CHD7: variants seen among roughly 807,000 people sequenced by gnomAD.
CHD7 encodes the protein chromodomain helicase DNA binding protein 7, also known as ATP-dependent chromatin remodeler CHD7.
In CHD7, 24 loss-of-function variants were observed where a neutral mutation model predicts 307.3. The ratio of observed to expected loss-of-function variants is 0.08; its 90% CI spans 0.06 to 0.11. The LOEUF is 0.11. CHD7 is among the 10% of genes least tolerant of loss of function. The pLI is 1.00. For synonymous variants in CHD7, 1,363 were observed against 1,349.9 expected (o/e 1.01, Z -0.21); for missense variants, 3,106 against 3,727.1 (o/e 0.83, Z 4.34).
intron 1 of CHD7, among the ~76,000 whole-genome samples, chr8:60,687,125 T>C (rs1805943656): frequency 6.6e-6 from 1 of 152,208 alleles, no homozygotes; most frequent in African/African-American, 2.4e-5. Context: ...TAAAACATAA[T>C]TAGCAAATGT....
At chr8:60,864,084 T>C (rs1806132145) in intron 37 of CHD7, 2 of 151,698 alleles carry the variant, frequency 1.3e-5, no homozygotes, top group African/African-American at 4.8e-5. Flanking sequence ...AATTGATGAA[T>C]CAAATATATA....
intron 1 of CHD7, among the ~76,000 whole-genome samples, chr8:60,734,396 C>T (rs41510045): frequency 0.032 from 4,845 of 152,246 alleles, 166 homozygotes; most frequent in African/African-American, 0.079. Context: ...AGGCTCCAGT[C>T]GCCAGAAAGA....
intron 7 of CHD7, chr8:60,808,644 A>T (rs367550185): frequency 5.2e-6 from 1 of 192,830 alleles, no homozygotes; most frequent in African/African-American, 2.4e-5. Context: ...GGCCCTAGAG[A>T]CAAGAACTCT....
chr8:60,688,107 G>A (rs1298262466), intron 1 of CHD7, among the ~76,000 whole-genome samples: 1 of 152,188 alleles, frequency 6.6e-6, no homozygotes, highest in Non-Finnish European at 1.5e-5. Context: ...AAAACGACCA[G>A]GTCCTTGCCT....
chr8:60,821,993 C>A (rs767479650), intron 10 of CHD7, 31 bp from the exon 11 acceptor site: 10 of 1,613,270 alleles, frequency 6.2e-6, no homozygotes, highest in Non-Finnish European at 8.5e-6. Context: ...CTTTGGGAAA[C>A]CACTAATGGG....
intron 36 of CHD7, 77 bp downstream of exon 36, chr8:60,862,413 A>T: frequency 6.6e-7 from 1 of 1,515,510 alleles, no homozygotes; most frequent in Non-Finnish European, 8.9e-7. Context: ...GCCTTCTTCT[A>T]TAGGGGAAAA....
Position 60,741,443 on chromosome 8 carries a change from C to T in CHD7, c.11C>T (p.Pro4Leu), listed in dbSNP as rs370099061. 1.2e-6 allele frequency: 2 copies of T among 1,604,614 alleles called. No individual in the cohort carries two copies. The highest frequency in any genetic ancestry group is 1.3e-5 in the African/African-American group (1 of 74,844). Residue 4 changes from proline (P) to leucine (L), a missense_variant, in exon 2 of 38, where the codon CCA becomes CTA. By Grantham distance (98) the Pro-to-Leu change is moderately conservative. Coordinates refer to ENST00000423902, the MANE Select transcript of CHD7 (RefSeq NM_017780.4). ...GTGTGTTGGAAGAAGATGGCAGATC[C>T]AGGAATGATGAGTCTTTTTGGCGAG... MAD[P>L]GMMSLFGEDG...
chr8:60,754,075 C>T (rs896504777), intron 2 of CHD7, among the ~76,000 whole-genome samples: 1 of 152,110 alleles, frequency 6.6e-6, no homozygotes, highest in African/African-American at 2.4e-5. Flanking sequence ...TTAATGTTTT[C>T]TCTGTCATTT....
rs114999690 is a variant in CHD7 at position 60,828,262 on chromosome 8, A to G, written c.3379-401A>G. Among the ~76,000 whole-genome samples, 723 of 152,282 alleles carry G rather than the reference A, an allele frequency of 4.7e-3. 10 individuals carry two copies. The highest frequency in any genetic ancestry group is 0.016 in the African/African-American group (673 of 41,550). On this transcript the variant is annotated intron_variant, in intron 13 of 37. Coordinates refer to ENST00000423902, the MANE Select transcript of CHD7 (RefSeq NM_017780.4). The stretch of plus-strand genomic sequence containing the variant: ...AGTGAGTCATGCAGGAAGCAGATGG[A>G]GAGATGAGAGCACTGTTGATGTAGA...
intron 2 of CHD7, among the ~76,000 whole-genome samples, chr8:60,768,404 A>G (rs987891741): frequency 5.7e-4 from 86 of 152,200 alleles, no homozygotes; most frequent in African/African-American, 2.0e-3. Flanking sequence ...AAGGTTTACT[A>G]TCCTTCCTTC....
At chr8:60,789,830 T>G (rs1258940122) in intron 3 of CHD7, among the ~76,000 whole-genome samples, 1 of 152,232 alleles carries the variant, frequency 6.6e-6, no homozygotes, top group South Asian at 2.1e-4. Flanking sequence ...CATGACTACT[T>G]GCATAAAGGT....
intron 1 of CHD7, among the ~76,000 whole-genome samples, chr8:60,712,671 C>G (rs1807340918): frequency 6.6e-6 from 1 of 152,196 alleles, no homozygotes. Flanking sequence ...AATGCCAGCA[C>G]TTTGGGAGGC....
At chr8:60,789,742 A>G (rs550359121) in intron 3 of CHD7, among the ~76,000 whole-genome samples, 1 of 152,370 alleles carries the variant, frequency 6.6e-6, no homozygotes, top group East Asian at 1.9e-4. Context: ...GGAATTGGTT[A>G]TCTATACTGA....
chr8:60,685,802 C>G (rs1281427320), intron 1 of CHD7, among the ~76,000 whole-genome samples: 2 of 151,912 alleles, frequency 1.3e-5, no homozygotes, highest in East Asian at 1.9e-4. Flanking sequence ...GCTGTTACAC[C>G]CAGAAAAGCT....
chr8:60,802,499 A>G (rs1032095635), intron 6 of CHD7, among the ~76,000 whole-genome samples: 2 of 152,186 alleles, frequency 1.3e-5, no homozygotes, highest in African/African-American at 2.4e-5. Context: ...GAAGGATGGA[A>G]CTACAAGTTC....
intron 1 of CHD7, among the ~76,000 whole-genome samples, chr8:60,697,410 C>T (rs182372499): frequency 9.2e-5 from 14 of 152,158 alleles, no homozygotes; most frequent in Admixed American, 1.3e-4. Context: ...TTTAATTTAC[C>T]CTCAAACATT....
chr8:60,793,707 A>T (rs1027072085), intron 3 of CHD7, among the ~76,000 whole-genome samples: 2 of 152,210 alleles, frequency 1.3e-5, no homozygotes, highest in Non-Finnish European at 2.9e-5. Flanking sequence ...TTTGAAATAC[A>T]GCTTTTGTTT....
chr8:60,786,327 G>A (rs1274587437), intron 3 of CHD7, among the ~76,000 whole-genome samples: 1 of 152,202 alleles, frequency 6.6e-6, no homozygotes, highest in African/African-American at 2.4e-5. Flanking sequence ...TGTCTTTGAC[G>A]TGTGTGGTTC....
At chr8:60,680,768 C>T (rs1045080165) in intron 1 of CHD7, among the ~76,000 whole-genome samples, 6 of 152,180 alleles carry the variant, frequency 3.9e-5, no homozygotes, top group African/African-American at 1.4e-4. Flanking sequence ...AGAGAGTTTC[C>T]TTTTGAATTG....
Sources: allele counts gnomAD v4.1 joint callset (sites outside exome capture counted in the v4.1 genomes callset), GRCh38; gene constraint gnomAD v4.1.1; transcripts MANE v1.5; gene names NCBI Gene and HGNC (gene_info 2026-07-23, HGNC 2026-07-21).